Variants in MGA observed in about 807,000 individuals in gnomAD.
MGA encodes MAX gene-associated protein.
MGA carries 40 observed loss-of-function variants against 261.1 expected under a neutral mutation model. The ratio of observed to expected loss-of-function variants is 0.15; its 90% confidence interval spans 0.12 to 0.20. The LOEUF is 0.20. Among genes scored for constraint, MGA ranks in the 10% least tolerant of loss-of-function variants. The probability of loss-of-function intolerance (pLI) is 1.00; values close to 1 mark genes in which losing one functional copy is unlikely to be tolerated. For synonymous variants in MGA, 1,302 were observed against 1,290.6 expected, an observed-to-expected ratio of 1.01 and a Z score of -0.19; for missense variants, 3,397 against 3,630.5, an observed-to-expected ratio of 0.94 and a Z score of 1.65.
intron 1 of MGA, among the ~76,000 whole-genome samples, chr15:41,641,876 G>C (rs1193626680): frequency 1.3e-5 from 2 of 149,042 alleles, no homozygotes; most frequent in East Asian, 4.0e-4. Flanking sequence ...ACTTACTGTA[G>C]TCTTGACCTC....
At position 41,622,917 on chromosome 15, in the gene MGA, T is replaced by G. The variant is rs2056342741; in HGVS notation, c.-68+1619T>G. 2.0e-5 allele frequency among the ~76,000 whole-genome samples: 3 copies of G among 152,372 alleles called. No individual in the cohort carries two copies. The South Asian group carries it at 6.2e-4, about 32-fold the overall frequency. ...TTTATCTTAAAAAGAGTCTTCGAATTTTGTGCGAACACATCTGGAAAACAT... is the reference window on the plus strand; with the variant it reads ...TTTATCTTAAAAAGAGTCTTCGAATGTTGTGCGAACACATCTGGAAAACAT... On this transcript the variant is annotated intron_variant, in intron 1 of 8. Transcript: ENST00000566718.
intron 13 of MGA, among the ~76,000 whole-genome samples, chr15:41,738,090 A>C (rs1409730609): frequency 2.0e-5 from 3 of 151,868 alleles, no homozygotes; most frequent in Non-Finnish European, 2.9e-5. Flanking sequence ...GTCACTAAGG[A>C]CTTCTCCATT....
At chr15:41,734,872 T>A (rs2061687042) in intron 12 of MGA, among the ~76,000 whole-genome samples, 2 of 152,206 alleles carry the variant, frequency 1.3e-5, no homozygotes, top group South Asian at 2.1e-4. Context: ...TTTTTTTTTT[T>A]AACCTCTTTC....
At chr15:41,691,227 A>G (rs916327752) in intron 2 of MGA, among the ~76,000 whole-genome samples, 12 of 152,086 alleles carry the variant, frequency 7.9e-5, no homozygotes, top group African/African-American at 2.2e-4. Context: ...AGTGTTTTAT[A>G]GTTTTCCATG....
At chr15:41,637,342 AT>A (rs1235240070) in intron 1 of MGA, among the ~76,000 whole-genome samples, 2 of 152,176 alleles carry the variant, frequency 1.3e-5, no homozygotes, top group Non-Finnish European at 2.9e-5. Flanking sequence ...GTTGGAAGTT[AT>A]TGATTGACTT....
chr15:41,631,797 C>CT (rs979016272), intron 1 of MGA, among the ~76,000 whole-genome samples: 8 of 151,782 alleles, frequency 5.3e-5, no homozygotes, highest in African/African-American at 1.4e-4. Context: ...ATAAAAGTGG[C>CT]TTTTTTTTGA....
At chr15:41,740,311 A>T (rs1010129500) in intron 14 of MGA, 108 bp downstream of exon 14, 1 of 1,207,692 alleles carries the variant, frequency 8.3e-7, no homozygotes, top group African/African-American at 1.5e-5. Flanking sequence ...CTTTGGCATT[A>T]TTCTTATTCT....
intron 1 of MGA, among the ~76,000 whole-genome samples, chr15:41,640,808 C>A (rs555838211): frequency 6.6e-6 from 1 of 152,170 alleles, no homozygotes; most frequent in African/African-American, 2.4e-5. Context: ...TGAGCCACTG[C>A]GCCTGCCCTC....
At chr15:41,628,914 T>A (rs948331215) in intron 1 of MGA, among the ~76,000 whole-genome samples, 1 of 151,748 alleles carries the variant, frequency 6.6e-6, no homozygotes, top group African/African-American at 2.4e-5. Context: ...CCGAGGCAGG[T>A]GGATCATGAG....
intron 2 of MGA, among the ~76,000 whole-genome samples, chr15:41,683,795 G>T (rs1481753074): frequency 1.3e-5 from 2 of 151,824 alleles, no homozygotes; most frequent in Non-Finnish European, 2.9e-5. Flanking sequence ...TGCCCAGGCT[G>T]GTCTTGAACT....
upstream of MGA, among the ~76,000 whole-genome samples, chr15:41,659,770 T>C (rs1443349880): frequency 6.6e-6 from 1 of 152,254 alleles, no homozygotes; most frequent in Non-Finnish European, 1.5e-5. Context: ...TCAAGATATC[T>C]TTCATCTTTA....
In MGA at chr15:41,737,475, G is replaced by T. The variant is rs534590709; in HGVS notation, c.4434+777G>T. 2.0e-5 allele frequency among the ~76,000 whole-genome samples: 3 copies of T among 151,762 alleles called. No individual in the cohort carries two copies. The South Asian group carries it at 6.3e-4, about 32-fold the overall frequency. On this transcript the variant is annotated intron_variant, in intron 13 of 23. Coordinates refer to ENST00000219905, the MANE Select transcript of MGA (RefSeq NM_001164273.2). The stretch of plus-strand genomic sequence containing the variant: ...TGGCTGAAAATTTTAATTTAGTAAG[G>T]TGTTATTTAAATACAAGAGTAAAAA...
Position 41,715,121 on chromosome 15 carries a change from T to C in MGA, c.3430+1625T>C, listed in dbSNP as rs182189143. 3.6e-3 allele frequency among the ~76,000 whole-genome samples: 539 copies of C among 147,838 alleles called. 3 individuals carry two copies. Among genetic ancestry groups the C allele is most frequent in the Non-Finnish European group, 5.0e-3 (337 of 66,930 alleles). On this transcript the variant is annotated intron_variant, in intron 9 of 23. Transcript: ENST00000219905. ...GATAGTTAAACTTGGCAGTCTTTTC[T>C]TTTTATGGTTTCTGTCTTTTTTTTT...
intron 5 of MGA, 121 bp from the exon 6 acceptor site, chr15:41,707,607 A>C: frequency 1.1e-6 from 1 of 900,392 alleles, no homozygotes; most frequent in African/African-American, 1.7e-5. Flanking sequence ...GCTCTTCACT[A>C]TCTCCTTTCT....
chr15:41,759,786 G>C (rs1024589808), intron 19 of MGA, among the ~76,000 whole-genome samples: 5 of 152,100 alleles, frequency 3.3e-5, no homozygotes, highest in African/African-American at 4.8e-5. Flanking sequence ...TAGGTAAGAG[G>C]TGGGATAAGT....
rs890028562 is a variant in MGA at position 41,687,305 on chromosome 15, G to GA, written c.1065-8762dup. ...TTTTTAACAGTTTTCAGTGATTGGG[G>GA]AAAAAAAATAGTTATTTGTGATGTG... On this transcript the variant is annotated intron_variant, in intron 2 of 23. Coordinates refer to ENST00000219905, the MANE Select transcript of MGA (RefSeq NM_001164273.2). 4.6e-5 allele frequency among the ~76,000 whole-genome samples: 7 copies of GA among 151,624 alleles called. No homozygotes were observed. The East Asian group carries it at 7.7e-4, about 17-fold the overall frequency.
intron 11 of MGA, among the ~76,000 whole-genome samples, chr15:41,730,847 G>A (rs528944436): frequency 7.2e-5 from 11 of 152,152 alleles, no homozygotes; most frequent in Non-Finnish European, 1.3e-4. Context: ...GCAGCAATTC[G>A]AGCATTAAGT....
chr15:41,681,980 C>G (rs559380632), intron 2 of MGA, among the ~76,000 whole-genome samples: 1 of 151,662 alleles, frequency 6.6e-6, no homozygotes, highest in Non-Finnish European at 1.5e-5. Flanking sequence ...TGCAATGGTG[C>G]GATCTCGGCT....
At chr15:41,691,720 C>T (rs747015609) in intron 2 of MGA, 1 of 404,824 alleles carries the variant, frequency 2.5e-6, no homozygotes, top group Non-Finnish European at 5.5e-6. Flanking sequence ...TTCAACACTT[C>T]ATGATTGGCG....
Sources: allele counts gnomAD v4.1 joint callset (sites outside exome capture counted in the v4.1 genomes callset), GRCh38; gene constraint gnomAD v4.1.1; transcripts MANE v1.5; gene names NCBI Gene and HGNC (gene_info 2026-07-23, HGNC 2026-07-21).